The following CSNK2A2 variants were observed in gnomAD, a reference collection of about 807,000 sequenced individuals.
CSNK2A2 encodes casein kinase II subunit alpha'.
In CSNK2A2, 8 loss-of-function variants were observed where a neutral mutation model predicts 54.0. The ratio of observed to expected loss-of-function variants is 0.15; its 90% CI spans 0.09 to 0.27. The LOEUF (loss-of-function observed/expected upper bound fraction) is 0.27, where lower values mean the gene tolerates loss of function less well. Among genes scored for constraint, CSNK2A2 ranks in the 10% least tolerant of loss-of-function variants. The pLI is 1.00. For synonymous variants in CSNK2A2, 141 were observed against 153.9 expected, an observed-to-expected ratio of 0.92 and a Z score of 0.62; for missense variants, 242 against 439.4, an observed-to-expected ratio of 0.55 and a Z score of 4.02.
intron 2 of CSNK2A2, among the ~76,000 whole-genome samples, chr16:58,194,128 C>T (rs1962377938): frequency 6.6e-6 from 1 of 152,216 alleles, no homozygotes; most frequent in Non-Finnish European, 1.5e-5. Flanking sequence ...AAGCCACCCT[C>T]TATCTTGGTC....
chr16:58,186,709 C>T, intron 3 of CSNK2A2, 46 bp downstream of exon 3: 1 of 1,396,694 alleles, frequency 7.2e-7, no homozygotes. Context: ...CTCCCATATC[C>T]ACACCCCGGT....
rs1168481897 is a variant in CSNK2A2 at position 58,182,121 on chromosome 16, G to A, written c.369+2139C>T. Among the ~76,000 whole-genome samples, 3 of 152,042 alleles carry A rather than the reference G, an allele frequency of 2.0e-5. 1 individual carries two copies. Among genetic ancestry groups the A allele is most frequent in the South Asian group, 4.1e-4 (2 of 4,826 alleles). ...CCTTTAAAGAAAGCTACAAGAGAAT[G>A]TATGAAACATCCCCTTTGAGGGTTA... On this transcript the variant is annotated intron_variant, in intron 4 of 11. Transcript: ENST00000262506.
At chr16:58,174,899 G>A (rs1961836460) in intron 4 of CSNK2A2, among the ~76,000 whole-genome samples, 1 of 152,146 alleles carries the variant, frequency 6.6e-6, no homozygotes, top group African/African-American at 2.4e-5. Context: ...GTATACTCTA[G>A]AGAAGTGAGT....
At chr16:58,163,834 C>A in intron 11 of CSNK2A2, 2 of 413,652 alleles carry the variant, frequency 4.8e-6, no homozygotes. Flanking sequence ...AGAGCTCCTT[C>A]AGATCCTGAA....
chr16:58,178,566 G>GCCA (rs1961941633), intron 4 of CSNK2A2, among the ~76,000 whole-genome samples: 1 of 152,188 alleles, frequency 6.6e-6, no homozygotes, highest in Non-Finnish European at 1.5e-5. Context: ...ACAGGCATGA[G>GCCA]CCACCGCACC....
intron 5 of CSNK2A2, among the ~76,000 whole-genome samples, chr16:58,172,636 A>T (rs1961773689): frequency 6.6e-6 from 1 of 152,268 alleles, no homozygotes; most frequent in Admixed American, 6.5e-5. Context: ...AAGGCTGAAC[A>T]AATACAGTAA....
At position 58,197,789 on chromosome 16, in the gene CSNK2A2, CG is replaced by C. The variant is rs1962511642; in HGVS notation, c.-54del. 2.1e-6 allele frequency: 1 copy of C among 474,510 alleles called. No individual in the cohort carries two copies. Among genetic ancestry groups the C allele is most frequent in the Non-Finnish European group, 2.7e-6 (1 of 368,410 alleles). 29.4% of individuals were successfully genotyped at this position (474,510 alleles called of 1,614,324 possible). ...GGCGCAGAGGGTGGCGGCGGCGGCG[CG>C]GCGGGGGACGCGGGGCGTCGGGCGG... On this transcript the variant is annotated 5_prime_UTR_variant, in exon 1 of 12. Coordinates refer to ENST00000262506, the MANE Select transcript of CSNK2A2 (RefSeq NM_001896.4). This position sits in a 1 kb window ranked among gnomAD's most constrained non-coding sequence, Gnocchi z 4.0.
At chr16:58,194,836 T>C (rs1439203886) in intron 2 of CSNK2A2, among the ~76,000 whole-genome samples, 2 of 152,024 alleles carry the variant, frequency 1.3e-5, no homozygotes, top group East Asian at 1.9e-4. Flanking sequence ...CTAGAGCCTA[T>C]AAAGCTCTTT....
intron 5 of CSNK2A2, among the ~76,000 whole-genome samples, chr16:58,169,732 T>C (rs1294182058): frequency 6.6e-6 from 1 of 151,968 alleles, no homozygotes; most frequent in Admixed American, 6.5e-5. Flanking sequence ...CTTAATATAA[T>C]CCCTGAGCCA....
intron 4 of CSNK2A2, among the ~76,000 whole-genome samples, chr16:58,176,126 C>T (rs993239592): frequency 2.0e-5 from 3 of 152,196 alleles, no homozygotes; most frequent in African/African-American, 7.2e-5. Context: ...AAGGAAATCA[C>T]TCACAGAGAC....
At chr16:58,182,525 A>G (rs1215932915) in intron 4 of CSNK2A2, among the ~76,000 whole-genome samples, 1 of 147,158 alleles carries the variant, frequency 6.8e-6, no homozygotes, top group Non-Finnish European at 1.5e-5. Context: ...ATTGCACTCC[A>G]GCCTAGGCGA....
At chr16:58,176,435 T>C (rs931440713) in intron 4 of CSNK2A2, among the ~76,000 whole-genome samples, 8 of 152,176 alleles carry the variant, frequency 5.3e-5, no homozygotes, top group Non-Finnish European at 8.8e-5. Flanking sequence ...AGGACTAAGA[T>C]ATTACAAAGT....
At chr16:58,163,824 A>G in intron 11 of CSNK2A2, 1 of 393,452 alleles carries the variant, frequency 2.5e-6, no homozygotes. Flanking sequence ...TTCCAAAGGC[A>G]GAGCTCCTTC....
chr16:58,196,912 C>T, intron 1 of CSNK2A2, 68 bp from the exon 2 acceptor site: 1 of 936,740 alleles, frequency 1.1e-6, no homozygotes. Context: ...CCACTGTACA[C>T]GTCATTCAGC....
At chr16:58,165,900 G>T (rs1961548818) in intron 9 of CSNK2A2, among the ~76,000 whole-genome samples, 192 bp from the exon 10 acceptor site, 1 of 152,174 alleles carries the variant, frequency 6.6e-6, no homozygotes, top group Admixed American at 6.5e-5. Flanking sequence ...TCTGTGATTA[G>T]AAAAATACAA....
At chr16:58,166,506 A>C in intron 9 of CSNK2A2, 78 bp downstream of exon 9, 1 of 942,954 alleles carries the variant, frequency 1.1e-6, no homozygotes, top group Non-Finnish European at 1.7e-6. Flanking sequence ...CAGAATGGGA[A>C]AAGAAAGTGA....
At chr16:58,161,997 G>C (rs543906123) in intron 11 of CSNK2A2, 10 of 152,252 alleles carry the variant, frequency 6.6e-5, no homozygotes, top group African/African-American at 1.9e-4. Flanking sequence ...TATTACCTTT[G>C]GGGGACCCAA....
In CSNK2A2 at chr16:58,179,700, T is replaced by C. The variant is rs372336326; in HGVS notation, c.369+4560A>G. Among the ~76,000 whole-genome samples the C allele has an allele frequency of 4.6e-5, 7 of 152,324 alleles. No homozygotes were observed. The East Asian group carries it at 9.6e-4, about 21-fold the overall frequency. On this transcript the variant is annotated intron_variant, in intron 4 of 11. Transcript: ENST00000262506. ...CAGTTTGCACTTCTAGTTTGAAAAC[T>C]ATCCAGAAGTGAGTTCCATAACCAT...
At chr16:58,172,359 GA>G (rs1961767647) in intron 5 of CSNK2A2, among the ~76,000 whole-genome samples, 1 of 152,128 alleles carries the variant, frequency 6.6e-6, no homozygotes, top group East Asian at 1.9e-4. Flanking sequence ...AGTGCTTTAT[GA>G]AACCAGGGGT....
Sources: allele counts gnomAD v4.1 joint callset (sites outside exome capture counted in the v4.1 genomes callset), GRCh38; gene constraint gnomAD v4.1.1; non-coding constraint Gnocchi (gnomAD v3.1); transcripts MANE v1.5; gene names NCBI Gene and HGNC (gene_info 2026-07-23, HGNC 2026-07-21).